The following PLD5 variants were observed in gnomAD, a reference collection of about 807,000 sequenced individuals.
PLD5 encodes phospholipase D family member 5.
PLD5 carries 36 observed loss-of-function variants against 61.1 expected under a neutral mutation model. That is an observed-to-expected ratio of 0.59 (90% confidence interval 0.45 to 0.78). PLD5 has a LOEUF of 0.78. Ranked by LOEUF, PLD5 falls within the 30% of genes least tolerant of loss-of-function variation. PLD5 has a pLI of 0.00. For synonymous variants in PLD5, 243 were observed against 242.8 expected (o/e 1.00, Z -0.01); for missense variants, 515 against 644.4 (o/e 0.80, Z 2.17).
intron 1 of PLD5, among the ~76,000 whole-genome samples, chr1:242,491,582 A>G (rs1295975664): frequency 6.6e-6 from 1 of 152,228 alleles, no homozygotes; most frequent in African/African-American, 2.4e-5. Context: ...TTTAAATCAT[A>G]TCATGAATTG....
intron 5 of PLD5, among the ~76,000 whole-genome samples, chr1:242,204,896 A>G (rs950877881): frequency 1.3e-5 from 2 of 152,206 alleles, no homozygotes; most frequent in Non-Finnish European, 2.9e-5. Context: ...AAAAAAGAAT[A>G]AGGCTGGCAA....
chr1:242,201,452 A>C (rs555663399), intron 5 of PLD5, among the ~76,000 whole-genome samples: 4 of 152,304 alleles, frequency 2.6e-5, no homozygotes, highest in African/African-American at 7.2e-5. Flanking sequence ...TATAGTTGTT[A>C]AAATAAATGC....
chr1:242,388,182 G>A (rs116567163), intron 1 of PLD5, among the ~76,000 whole-genome samples: 3,135 of 152,294 alleles, frequency 0.021, 47 homozygotes, highest in Middle Eastern at 0.034. Context: ...TAACCTAGAC[G>A]ATAGTGTGAT....
intron 1 of PLD5, among the ~76,000 whole-genome samples, chr1:242,361,819 C>G (rs1318693965): frequency 6.6e-6 from 1 of 152,056 alleles, no homozygotes; most frequent in Non-Finnish European, 1.5e-5. Flanking sequence ...GCTTTTATAT[C>G]ATTGAACGAG....
At chr1:242,155,166 CTT>C (rs1558281096) in intron 5 of PLD5, among the ~76,000 whole-genome samples, 1 of 151,900 alleles carries the variant, frequency 6.6e-6, no homozygotes, top group Non-Finnish European at 1.5e-5. Flanking sequence ...CTGATGGTAA[CTT>C]ATATTTCTTT....
rs182523818 is a variant in PLD5 at position 242,445,295 on chromosome 1, C to A, written c.189+78793G>T. Among the ~76,000 whole-genome samples, 367 of 152,296 alleles carry A rather than the reference C, an allele frequency of 2.4e-3. 3 individuals carry two copies. The highest frequency in any genetic ancestry group is 8.0e-3 in the African/African-American group (331 of 41,576). ...TCACCAGACACCAAATCTGCTAAAA[C>A]CCTGATCTTGGATTTCCCAGTCTCT... On this transcript the variant is annotated intron_variant, in intron 1 of 9. Coordinates refer to ENST00000536534, the MANE Select transcript of PLD5 (RefSeq NM_001372062.1).
chr1:242,191,571 G>A (rs1317194243), intron 5 of PLD5, among the ~76,000 whole-genome samples: 1 of 152,004 alleles, frequency 6.6e-6, no homozygotes, highest in East Asian at 1.9e-4. Context: ...GGGCAATGGA[G>A]CAAGAAGCTG....
chr1:242,446,030 C>G (rs185335990), intron 1 of PLD5, among the ~76,000 whole-genome samples: 11 of 151,930 alleles, frequency 7.2e-5, no homozygotes, highest in African/African-American at 2.7e-4. Flanking sequence ...ATGTAATCTT[C>G]ACGATGACCC....
intron 5 of PLD5, among the ~76,000 whole-genome samples, chr1:242,184,588 C>T (rs185683317): frequency 2.4e-4 from 36 of 152,232 alleles, no homozygotes; most frequent in East Asian, 1.2e-3. Context: ...AGGCTAGTCT[C>T]GAACTCCTGT....
intron 8 of PLD5, among the ~76,000 whole-genome samples, chr1:242,102,685 G>T (rs1660773925): frequency 6.6e-6 from 1 of 152,156 alleles, no homozygotes. Flanking sequence ...CATGCTCTAT[G>T]CAAGATTCCA....
chr1:242,122,632 T>C (rs1219070535), intron 6 of PLD5, among the ~76,000 whole-genome samples: 1 of 152,186 alleles, frequency 6.6e-6, no homozygotes, highest in African/African-American at 2.4e-5. Context: ...TATATTTATA[T>C]TTATTCGTAA....
At chr1:242,358,182 G>A (rs906067529) in intron 1 of PLD5, among the ~76,000 whole-genome samples, 5 of 152,068 alleles carry the variant, frequency 3.3e-5, no homozygotes, top group Non-Finnish European at 2.9e-5. Flanking sequence ...TGTTTTTGAA[G>A]TTCACTTAAC....
chr1:242,124,441 G>A (rs1235532332), intron 6 of PLD5, 27 bp downstream of exon 6: 1 of 1,597,906 alleles, frequency 6.3e-7, no homozygotes, highest in African/African-American at 1.3e-5. Flanking sequence ...AGAAGGAGAA[G>A]GGGAGGAGAA....
chr1:242,266,174 G>A (rs929052502), intron 3 of PLD5, among the ~76,000 whole-genome samples: 9 of 152,180 alleles, frequency 5.9e-5, no homozygotes, highest in African/African-American at 2.2e-4. Context: ...CCAAGAGTCT[G>A]AGACCAGTCC....
At chr1:242,205,083 A>G (rs57514831) in intron 5 of PLD5, among the ~76,000 whole-genome samples, 1,629 of 152,266 alleles carry the variant, frequency 0.011, 28 homozygotes, top group African/African-American at 0.037. Context: ...CGGGATAGAG[A>G]TTTTGAGACA....
At chr1:242,206,099 A>G (rs1205657384) in intron 5 of PLD5, among the ~76,000 whole-genome samples, 3 of 152,238 alleles carry the variant, frequency 2.0e-5, no homozygotes, top group South Asian at 2.1e-4. Flanking sequence ...GCAAAGAACT[A>G]TCACTACTCA....
At chr1:242,218,673 A>G (rs1349991566) in intron 5 of PLD5, among the ~76,000 whole-genome samples, 2 of 152,238 alleles carry the variant, frequency 1.3e-5, no homozygotes, top group Non-Finnish European at 2.9e-5. Flanking sequence ...CCCCAGAAAG[A>G]TAAAGAAAAT....
At chr1:242,137,754 C>T (rs1360563389) in intron 5 of PLD5, among the ~76,000 whole-genome samples, 1 of 152,054 alleles carries the variant, frequency 6.6e-6, no homozygotes, top group Non-Finnish European at 1.5e-5. Flanking sequence ...ATCAAAGCCA[C>T]AGAGACACTA....
intron 1 of PLD5, among the ~76,000 whole-genome samples, chr1:242,490,713 T>C (rs1668120879): frequency 6.6e-6 from 1 of 152,192 alleles, no homozygotes; most frequent in Non-Finnish European, 1.5e-5. Flanking sequence ...TGTTCATCTC[T>C]TTTTTAATCT....
Sources: gnomAD v4.1 joint callset for allele counts (sites outside exome capture counted in the v4.1 genomes callset) on GRCh38, gnomAD v4.1.1 for gene constraint, MANE v1.5 for transcripts, NCBI Gene and HGNC (gene_info 2026-07-23, HGNC 2026-07-21) for gene names.